The following FAM222B variants were observed in gnomAD, a reference collection of about 807,000 sequenced individuals.
FAM222B encodes the protein protein FAM222B.
Under a neutral mutation model 38.0 loss-of-function variants are expected in FAM222B, and 12 were observed. The ratio of observed to expected loss-of-function variants is 0.32; its 90% CI spans 0.20 to 0.51. FAM222B has a LOEUF of 0.51. Among genes scored for constraint, FAM222B ranks in the 20% least tolerant of loss-of-function variants. FAM222B has a pLI of 0.97. For synonymous variants in FAM222B, 329 were observed against 317.2 expected (o/e 1.04, Z -0.40); for missense variants, 716 against 754.2 (o/e 0.95, Z 0.59).
intron 1 of FAM222B, among the ~76,000 whole-genome samples, chr17:28,788,037 T>C (rs562938939): frequency 3.9e-4 from 60 of 152,180 alleles, no homozygotes; most frequent in Non-Finnish European, 7.4e-4. Context: ...TTGGTCAGGC[T>C]AGTTTTGAAC....
At chr17:28,832,558 C>G (rs2038703504) in intron 1 of FAM222B, among the ~76,000 whole-genome samples, 1 of 152,182 alleles carries the variant, frequency 6.6e-6, no homozygotes, top group South Asian at 2.1e-4. Context: ...CATGCACAAG[C>G]CTTCCTTGAT....
chr17:28,792,868 C>A (rs1352312317), intron 1 of FAM222B, among the ~76,000 whole-genome samples: 1 of 151,706 alleles, frequency 6.6e-6, no homozygotes, highest in African/African-American at 2.4e-5. Flanking sequence ...CTCCCTTCTT[C>A]ATACCTGACA....
chr17:28,779,223 G>A (rs1037959429), intron 1 of FAM222B, among the ~76,000 whole-genome samples: 1 of 151,920 alleles, frequency 6.6e-6, no homozygotes, highest in Non-Finnish European at 1.5e-5. Flanking sequence ...GCGAGACAAG[G>A]ACACTACAAG....
intron 1 of FAM222B, among the ~76,000 whole-genome samples, chr17:28,851,612 T>A (rs1286978735): frequency 6.6e-6 from 1 of 151,714 alleles, no homozygotes; most frequent in African/African-American, 2.4e-5. Context: ...GTGCAGTGAC[T>A]CATCCCTGTA....
chr17:28,766,806 C>T, intron 1 of FAM222B, 99 bp from the exon 2 acceptor site: 1 of 632,822 alleles, frequency 1.6e-6, no homozygotes, highest in Non-Finnish European at 2.8e-6. Flanking sequence ...CAAGTTTAGA[C>T]ACATAAAGCA....
intron 1 of FAM222B, among the ~76,000 whole-genome samples, chr17:28,779,832 C>G (rs4407101): frequency 8.4e-4 from 128 of 151,926 alleles, no homozygotes; most frequent in African/African-American, 3.0e-3. Context: ...ATGAGAAAAA[C>G]TCAACAAATT....
chr17:28,779,826 GA>G (rs1488543134), intron 1 of FAM222B, among the ~76,000 whole-genome samples: 1 of 151,908 alleles, frequency 6.6e-6, no homozygotes, highest in Non-Finnish European at 1.5e-5. Flanking sequence ...ACTTTCATGA[GA>G]AAAACTCAAC....
At chr17:28,792,706 A>C (rs965865117) in intron 1 of FAM222B, among the ~76,000 whole-genome samples, 3 of 151,194 alleles carry the variant, frequency 2.0e-5, no homozygotes, top group Middle Eastern at 3.2e-3. Flanking sequence ...GCTTGAACCC[A>C]GGAGGTGGAA....
chr17:28,840,040 G>A (rs982783530), intron 1 of FAM222B, among the ~76,000 whole-genome samples: 1 of 152,060 alleles, frequency 6.6e-6, no homozygotes, highest in African/African-American at 2.4e-5. Context: ...CAAAGCTGAA[G>A]TGTCTATGTC....
In FAM222B at chr17:28,804,339, AT is replaced by A. The variant is rs549519358; in HGVS notation, c.-40-37633del. ...GTTTCTCTGGAGAATGCTAATACAG[AT>A]TTTTTTTTTTTTTCAGGCACAGTCT... On this transcript the variant is annotated intron_variant, in intron 1 of 2. Coordinates refer to ENST00000581407, the MANE Select transcript of FAM222B (RefSeq NM_001077498.3). Among the ~76,000 whole-genome samples, 1,158 of 143,802 alleles carry A rather than the reference AT, an allele frequency of 8.1e-3. 7 individuals carry two copies. Among genetic ancestry groups the A allele is most frequent in the African/African-American group, 0.016 (632 of 39,484 alleles). The allele number at this position is 143,802 out of a possible 152,430, so 94.3% of individuals were successfully genotyped here.
chr17:28,796,111 C>T (rs894787707), intron 1 of FAM222B, among the ~76,000 whole-genome samples: 5 of 152,086 alleles, frequency 3.3e-5, no homozygotes, highest in Admixed American at 6.6e-5. Context: ...TGTGTCATAC[C>T]GGTTATTAAA....
At chr17:28,772,593 CAGAG>C (rs1245187085) in intron 1 of FAM222B, among the ~76,000 whole-genome samples, 1 of 139,126 alleles carries the variant, frequency 7.2e-6, no homozygotes, top group South Asian at 2.4e-4. Context: ...AAAAAAAGAA[CAGAG>C]AGAATTAAAC....
intron 1 of FAM222B, among the ~76,000 whole-genome samples, chr17:28,778,685 G>T (rs1324518067): frequency 2.2e-3 from 161 of 72,614 alleles, no homozygotes; most frequent in African/African-American, 9.7e-3. Context: ...TTTTTTGTGT[G>T]TGTGTGTGTG....
At chr17:28,832,745 A>G (rs2038708864) in intron 1 of FAM222B, among the ~76,000 whole-genome samples, 1 of 152,202 alleles carries the variant, frequency 6.6e-6, no homozygotes, top group Admixed American at 6.5e-5. Flanking sequence ...AGACAGAGAA[A>G]TACATAAGTC....
chr17:28,792,788 A>C (rs1003899832), intron 1 of FAM222B, among the ~76,000 whole-genome samples: 15 of 149,964 alleles, frequency 1.0e-4, no homozygotes, highest in Non-Finnish European at 1.9e-4. Flanking sequence ...TTCAAAAAAA[A>C]AAAAAAAAAA....
At chr17:28,843,595 G>A (rs1276726864), upstream of FAM222B, among the ~76,000 whole-genome samples, 2 of 151,098 alleles carry the variant, frequency 1.3e-5, no homozygotes, top group Non-Finnish European at 2.9e-5. Context: ...TTACAGGCTT[G>A]CACCACCACG....
intron 1 of FAM222B, among the ~76,000 whole-genome samples, chr17:28,854,047 C>G (rs552591690): frequency 5.9e-5 from 9 of 151,656 alleles, no homozygotes; most frequent in Non-Finnish European, 1.0e-4. Flanking sequence ...AGGTTCACGC[C>G]ATTCTCCTGC....
At chr17:28,829,018 G>A (rs760657593) in intron 1 of FAM222B, among the ~76,000 whole-genome samples, 2 of 148,096 alleles carry the variant, frequency 1.4e-5, no homozygotes, top group Non-Finnish European at 3.0e-5. Context: ...CGACTGTCCT[G>A]CCTCAGCGTC....
At chr17:28,772,591 AAC>A (rs2035688834) in intron 1 of FAM222B, among the ~76,000 whole-genome samples, 1 of 147,798 alleles carries the variant, frequency 6.8e-6, no homozygotes, top group Non-Finnish European at 1.5e-5. Flanking sequence ...AAAAAAAAAG[AAC>A]AGAGAGAATT....
Sources: gnomAD v4.1 joint callset for allele counts (sites outside exome capture counted in the v4.1 genomes callset) on GRCh38, gnomAD v4.1.1 for gene constraint, MANE v1.5 for transcripts, NCBI Gene and HGNC (gene_info 2026-07-23, HGNC 2026-07-21) for gene names.